Variants in KLF12 observed in about 807,000 individuals in gnomAD.
The protein encoded by KLF12 is Krueppel-like factor 12.
Under a neutral mutation model 37.8 loss-of-function variants are expected in KLF12, and 9 were observed. That is an observed-to-expected ratio of 0.24 (90% CI 0.14 to 0.42). The LOEUF is 0.42. Ranked by LOEUF, KLF12 falls within the 10% of genes least tolerant of loss-of-function variation. The pLI is 1.00. For synonymous variants in KLF12, 208 were observed against 202.1 expected (o/e 1.03, Z -0.25); for missense variants, 411 against 516.0 (o/e 0.80, Z 1.97).
At chr13:73,994,171 C>T (rs963976955) in intron 2 of KLF12, among the ~76,000 whole-genome samples, 1 of 151,998 alleles carries the variant, frequency 6.6e-6, no homozygotes, top group Non-Finnish European at 1.5e-5. Context: ...GGTAGGCTGG[C>T]AGAAAAAGAC....
At chr13:74,168,537 G>A in the KLF12 span, among the ~76,000 whole-genome samples, 3 of 152,164 alleles carry the variant, frequency 2.0e-5, no homozygotes, top group Non-Finnish European at 4.4e-5. Context: ...TGTGCCTCTT[G>A]GTGAAAAGAT....
chr13:73,807,463 T>G (rs1882707123), intron 5 of KLF12, among the ~76,000 whole-genome samples: 1 of 152,204 alleles, frequency 6.6e-6, no homozygotes, highest in African/African-American at 2.4e-5. Flanking sequence ...ATTCACTAGT[T>G]GTTTTTCTTT....
At chr13:73,706,604 CTTG>C (rs1301471353) in intron 7 of KLF12, among the ~76,000 whole-genome samples, 5 of 152,108 alleles carry the variant, frequency 3.3e-5, no homozygotes, top group Admixed American at 6.5e-5. Context: ...TTTTGTTTTC[CTTG>C]TTGGAGGTGG....
chr13:73,851,337 T>A (rs1885323734), intron 3 of KLF12, among the ~76,000 whole-genome samples: 1 of 152,172 alleles, frequency 6.6e-6, no homozygotes, highest in African/African-American at 2.4e-5. Flanking sequence ...AATAAATACA[T>A]GTTACAAAAA....
At chr13:74,230,037 A>G in the KLF12 span, among the ~76,000 whole-genome samples, 2 of 152,184 alleles carry the variant, frequency 1.3e-5, no homozygotes, top group Non-Finnish European at 2.9e-5. Context: ...TTTTAGAATG[A>G]GATGATAACA....
intron 2 of KLF12, among the ~76,000 whole-genome samples, chr13:73,983,220 G>A (rs545993038): frequency 2.0e-5 from 3 of 152,216 alleles, no homozygotes; most frequent in Non-Finnish European, 2.9e-5. Flanking sequence ...CAACCAGAAC[G>A]CCAGGCAACC....
rs576497937 is a variant in KLF12 at position 73,727,284 on chromosome 13, C to T, written c.870-11759G>A. ...GATGGCTTGGACTAACATAAAGTCT[C>T]AAAGATTTACTCCTATGTTTTAAGA... On this transcript the variant is annotated intron_variant, in intron 6 of 7. Transcript: ENST00000377669. Among the ~76,000 whole-genome samples the T allele has an allele frequency of 3.3e-5, 5 of 152,240 alleles. No homozygotes were observed. In the East Asian group the frequency reaches 9.6e-4, roughly 29 times the overall value.
At chr13:73,918,551 T>A (rs1005558222) in intron 3 of KLF12, among the ~76,000 whole-genome samples, 1 of 152,178 alleles carries the variant, frequency 6.6e-6, no homozygotes, top group African/African-American at 2.4e-5. Flanking sequence ...TGATAAAAAA[T>A]AAACTCCAAG....
At chr13:74,086,190 A>G (rs969163829) in intron 1 of KLF12, among the ~76,000 whole-genome samples, 2 of 151,716 alleles carry the variant, frequency 1.3e-5, no homozygotes, top group South Asian at 2.1e-4. Flanking sequence ...ACATATGTAT[A>G]CATGTGCCAT....
Position 73,813,157 on chromosome 13 carries a change from T to C in KLF12, c.801A>G (p.Val267=). 2 of 1,613,948 alleles carry C rather than the reference T, an allele frequency of 1.2e-6. No homozygotes were observed. Among genetic ancestry groups the C allele is most frequent in the Non-Finnish European group, 1.7e-6 (2 of 1,179,880 alleles). The change falls in exon 5 of 8, where the codon GTA becomes GTG. Residue 267 remains valine, a synonymous_variant. Transcript: ENST00000377669. ...CCTGTGAATGTGATACTTACTCTTG[T>C]ACTGCTCTGGCTATGGAAAGGGCCG...
chr13:74,098,634 C>T (rs1048738133), intron 1 of KLF12, among the ~76,000 whole-genome samples: 1 of 152,162 alleles, frequency 6.6e-6, no homozygotes, highest in African/African-American at 2.4e-5. Flanking sequence ...CTATATCAAA[C>T]CTCATAGATG....
intron 3 of KLF12, among the ~76,000 whole-genome samples, chr13:73,926,469 A>C (rs1342443749): frequency 2.0e-5 from 3 of 152,230 alleles, no homozygotes; most frequent in African/African-American, 7.2e-5. Flanking sequence ...AGTAGAGCAT[A>C]AACATAAGTT....
chr13:74,170,825 G>A, the KLF12 span, among the ~76,000 whole-genome samples: 1 of 152,068 alleles, frequency 6.6e-6, no homozygotes, highest in Non-Finnish European at 1.5e-5. Flanking sequence ...AGTGCAGTGG[G>A]GCAATCTCGG....
the KLF12 span, among the ~76,000 whole-genome samples, chr13:74,172,077 T>C: frequency 6.6e-6 from 1 of 151,680 alleles, no homozygotes; most frequent in East Asian, 2.0e-4. Flanking sequence ...CAAATATATG[T>C]TTCAGCTACA....
intron 1 of KLF12, among the ~76,000 whole-genome samples, chr13:74,020,402 T>C (rs1892811838): frequency 6.6e-6 from 1 of 152,072 alleles, no homozygotes; most frequent in African/African-American, 2.4e-5. Flanking sequence ...GCCTACCACA[T>C]CTCACTCAAG....
At chr13:74,138,549 G>A (rs1178897763), upstream of KLF12, among the ~76,000 whole-genome samples, 1 of 152,174 alleles carries the variant, frequency 6.6e-6, no homozygotes, top group East Asian at 1.9e-4. Flanking sequence ...GGGATGAGCT[G>A]TCTGCAAATT....
chr13:74,060,743 A>G (rs1000829079), intron 1 of KLF12, among the ~76,000 whole-genome samples: 3 of 152,042 alleles, frequency 2.0e-5, no homozygotes, highest in Admixed American at 6.6e-5. Context: ...CTCTTTTCCA[A>G]TTTGGATGTC....
Position 73,919,357 on chromosome 13 carries a change from A to G in KLF12, c.123+24624T>C, listed in dbSNP as rs559382503. Among the ~76,000 whole-genome samples, 10 of 152,304 alleles carry G rather than the reference A, an allele frequency of 6.6e-5. No individual in the cohort carries two copies. In the South Asian group the frequency reaches 2.1e-3, roughly 32 times the overall value. On this transcript the variant is annotated intron_variant, in intron 3 of 7. Coordinates refer to ENST00000377669, the MANE Select transcript of KLF12 (RefSeq NM_007249.5). Reference sequence around the variant, plus strand: ...ACTCCTATAACAAAACCTAACAGTAACTAATCCAAAACAACTGCCTTTTAT... The same window carrying G: ...ACTCCTATAACAAAACCTAACAGTAGCTAATCCAAAACAACTGCCTTTTAT...
At chr13:73,981,537 A>T (rs1251980890) in intron 2 of KLF12, among the ~76,000 whole-genome samples, 2 of 152,236 alleles carry the variant, frequency 1.3e-5, no homozygotes, top group African/African-American at 4.8e-5. Flanking sequence ...GGTACTATTC[A>T]TATGTCTCAA....
Sources: gnomAD v4.1 joint callset for allele counts (sites outside exome capture counted in the v4.1 genomes callset) on GRCh38, gnomAD v4.1.1 for gene constraint, MANE v1.5 for transcripts, NCBI Gene and HGNC (gene_info 2026-07-23, HGNC 2026-07-21) for gene names.